Variants in ZNF654 observed in about 807,000 individuals in gnomAD.
ZNF654 encodes the protein zinc finger protein 654, also known as melanoma-associated antigen.
ZNF654 carries 19 observed loss-of-function variants against 95.3 expected under a neutral mutation model. The observed-to-expected ratio is 0.20, with a 90% confidence interval of 0.14 to 0.29. The LOEUF is 0.29. ZNF654 is among the 10% of genes least tolerant of loss of function. The pLI is 1.00. For synonymous variants in ZNF654, 413 were observed against 457.9 expected (o/e 0.90, Z 1.25); for missense variants, 1,046 against 1,341.0 (o/e 0.78, Z 3.44).
intron 3 of ZNF654, among the ~76,000 whole-genome samples, chr3:88,122,009 A>C (rs1347829074): frequency 6.6e-6 from 1 of 152,160 alleles, no homozygotes; most frequent in East Asian, 1.9e-4. Context: ...AAAACTTTTA[A>C]CCACCTAAGA....
chr3:88,075,800 T>G (rs1258486028), intron 1 of ZNF654, among the ~76,000 whole-genome samples: 2 of 152,184 alleles, frequency 1.3e-5, no homozygotes, highest in Admixed American at 1.3e-4. Flanking sequence ...TCTCTTGTAG[T>G]GTCTTCCGTA....
intron 3 of ZNF654, among the ~76,000 whole-genome samples, chr3:88,122,082 G>C (rs138208949): frequency 2.4e-4 from 36 of 152,270 alleles, no homozygotes; most frequent in African/African-American, 8.7e-4. Flanking sequence ...TAGCACAAAT[G>C]TTCAATATGG....
At chr3:88,126,369 A>C in intron 4 of ZNF654, 100 bp downstream of exon 4, 1 of 1,186,322 alleles carries the variant, frequency 8.4e-7, no homozygotes. Flanking sequence ...TCATTTTATA[A>C]TACTGAATAA....
At chr3:88,123,011 CAAAA>C (rs1289535548) in intron 3 of ZNF654, among the ~76,000 whole-genome samples, 2 of 76,142 alleles carry the variant, frequency 2.6e-5, no homozygotes, top group Non-Finnish European at 2.9e-5. Context: ...CTCTGAGTCT[CAAAA>C]AAAAAAAAAA....
chr3:88,084,514 C>T (rs369946642), intron 1 of ZNF654, among the ~76,000 whole-genome samples: 1 of 152,250 alleles, frequency 6.6e-6, no homozygotes, highest in East Asian at 1.9e-4. Flanking sequence ...TTTTTACTTT[C>T]CAGCTAGTGA....
Position 88,138,763 on chromosome 3 carries a change from A to G in ZNF654, c.1094A>G (p.Asp365Gly). Reference sequence around the variant, plus strand: ...ATATGTGGTTGTGCTCTACAACTCGACCTTCATGATGATCCCAAAACTAAA... The same window carrying G: ...ATATGTGGTTGTGCTCTACAACTCGGCCTTCATGATGATCCCAAAACTAAA... ...VEICGCALQL[D>G]LHDDPKTKCL... The change falls in exon 8 of 9, where the codon GAC becomes GGC. Residue 365 changes from aspartate to glycine, a missense_variant. Transcript: ENST00000636215. The G allele has an allele frequency of 8.1e-7, 1 of 1,232,056 alleles. No individual in the cohort carries two copies. The allele number at this position is 1,232,056 out of a possible 1,614,324, so 76.3% of individuals were successfully genotyped here.
intron 6 of ZNF654, among the ~76,000 whole-genome samples, chr3:88,133,188 G>A (rs1296218022): frequency 1.3e-5 from 2 of 152,116 alleles, no homozygotes; most frequent in Non-Finnish European, 2.9e-5. Flanking sequence ...ATGCAGAGGA[G>A]GGTCACATAG....
rs751238536 is a variant in ZNF654, at chr3:88,140,939, A to T, written c.3270A>T (p.Arg1090Ser). The change falls in exon 8 of 9, where the codon AGA (arginine) becomes AGT (serine). Residue 1090 changes from arginine (R) to serine (S), a missense_variant. Arg to Ser is a moderately radical substitution (Grantham distance 110, BLOSUM62 -1). This residue lies in a region of ZNF654 where 59 missense variants were observed against 73.0 expected (regional missense o/e 0.81). Coordinates refer to ENST00000636215, the MANE Select transcript of ZNF654 (RefSeq NM_001350134.2). The part of the protein sequence containing the change: ...QDNVYKKSVK[R>S]LRCGKCLTTY... The stretch of plus-strand genomic sequence containing the variant: ...ACGTGTATAAAAAATCAGTGAAAAG[A>T]TTAAGATGTGGCAAATGCCTGACCA... 1.2e-6 allele frequency: 2 copies of T among 1,613,612 alleles called. No homozygotes were observed. The highest frequency in any genetic ancestry group is 1.7e-6 in the Non-Finnish European group (2 of 1,179,630).
intron 1 of ZNF654, among the ~76,000 whole-genome samples, chr3:88,066,642 A>C (rs1331274781): frequency 2.0e-5 from 3 of 152,140 alleles, no homozygotes; most frequent in Non-Finnish European, 4.4e-5. Flanking sequence ...AAATATATTT[A>C]AATGGAGTCA....
intron 2 of ZNF654, among the ~76,000 whole-genome samples, chr3:88,087,192 C>T (rs1446634386): frequency 6.6e-6 from 1 of 152,116 alleles, no homozygotes; most frequent in African/African-American, 2.4e-5. Context: ...GATTCTCATG[C>T]CTCAGCCCCA....
Position 88,140,573 on chromosome 3 carries a change from AAAT to A in ZNF654, c.2908_2910del (p.Asn970del), listed in dbSNP as rs1164959612. 1.2e-6 allele frequency: 2 copies of A among 1,613,608 alleles called. No homozygotes were observed. Among genetic ancestry groups the A allele is most frequent in the African/African-American group, 2.7e-5 (2 of 74,904 alleles). ...TGCCTGACATAGAGCCAAATTCTGA[AAAT>A]AATTGTAGTAGTAGTGATATAGTCA... On this transcript the variant is annotated inframe_deletion, in exon 8 of 9. Transcript: ENST00000636215.
At position 88,140,541 on chromosome 3, in the gene ZNF654, C is replaced by T; in HGVS notation, c.2872C>T (p.Gln958Ter). Residue 958 changes from glutamine to a stop codon, truncating the protein, a stop_gained, in exon 8 of 9, where the codon CAA becomes TAA. Transcript: ENST00000636215. LOFTEE classifies it high-confidence loss of function. ...DTVSNISLID[Q>*]KMPDIEPNSE... ...TGTTTCAAATATAAGCTTGATAGAC[C>T]AAAAGATGCCTGACATAGAGCCAAA... The T allele has an allele frequency of 6.2e-7, 1 of 1,613,576 alleles. No homozygotes were observed. Among genetic ancestry groups the T allele is most frequent in the Non-Finnish European group, 8.5e-7 (1 of 1,179,702 alleles).
intron 1 of ZNF654, among the ~76,000 whole-genome samples, chr3:88,083,962 T>G (rs779799417): frequency 0.23 from 19,206 of 82,044 alleles, 1,595 homozygotes; most frequent in African/African-American, 0.3. Flanking sequence ...TATATATATA[T>G]ATATAGAAAA....
intron 2 of ZNF654, among the ~76,000 whole-genome samples, chr3:88,107,185 T>C (rs902764477): frequency 3.9e-5 from 6 of 152,200 alleles, no homozygotes; most frequent in Non-Finnish European, 8.8e-5. Context: ...GTATACACTT[T>C]ATATACTTTA....
rs766548301 is a variant in ZNF654 at position 88,140,434 on chromosome 3, C to T, written c.2765C>T (p.Thr922Ile). 136 of 1,613,404 alleles carry T rather than the reference C, an allele frequency of 8.4e-5. No homozygotes were observed. The highest frequency in any genetic ancestry group is 1.1e-4 in the Non-Finnish European group (135 of 1,179,700). The change falls in exon 8 of 9, where the codon ACA (threonine) becomes ATA (isoleucine). Residue 922 changes from threonine to isoleucine, a missense_variant. Physicochemically the swap from Thr to Ile is moderately conservative, Grantham distance 89. This residue lies in a region of ZNF654 where 495 missense variants were observed against 537.0 expected (regional missense o/e 0.92). Transcript: ENST00000636215. ...ACTAGCAAATCAAGGAAAGAGTCTA[C>T]AGAACCAAAGACATGTATAGAAAGT... The part of the protein sequence containing the change: ...VSTSKSRKES[T>I]EPKTCIESME...
intron 1 of ZNF654, 99 bp downstream of exon 1, chr3:88,059,604 C>CGGG: frequency 7.1e-7 from 1 of 1,403,932 alleles, no homozygotes; most frequent in South Asian, 1.5e-5. Context: ...TGTCCAGTGC[C>CGGG]CGCTCCTCCC....
At chr3:88,095,008 A>C (rs1015138860) in intron 2 of ZNF654, among the ~76,000 whole-genome samples, 12 of 152,290 alleles carry the variant, frequency 7.9e-5, no homozygotes, top group African/African-American at 2.6e-4. Context: ...ATTTCTTCCA[A>C]GTTTGCTGTA....
At chr3:88,074,980 TG>T (rs1299382630) in intron 1 of ZNF654, among the ~76,000 whole-genome samples, 1 of 152,186 alleles carries the variant, frequency 6.6e-6, no homozygotes, top group Non-Finnish European at 1.5e-5. Context: ...TGCCATATTT[TG>T]TGGAGGGTGC....
intron 1 of ZNF654, among the ~76,000 whole-genome samples, chr3:88,081,538 A>G (rs1708077473): frequency 6.6e-6 from 1 of 152,158 alleles, no homozygotes; most frequent in Non-Finnish European, 1.5e-5. Flanking sequence ...CATTGCTAAC[A>G]TTTATTTAAT....
Sources: gnomAD v4.1 joint callset for allele counts (sites outside exome capture counted in the v4.1 genomes callset) on GRCh38, gnomAD v4.1.1 for gene constraint, gnomAD v4.1.1 regional missense constraint, MANE v1.5 for transcripts, NCBI Gene and HGNC (gene_info 2026-07-23, HGNC 2026-07-21) for gene names.